MAGI2: variants seen among roughly 807,000 people sequenced by gnomAD.
The protein encoded by MAGI2 is membrane-associated guanylate kinase, WW and PDZ domain-containing protein 2.
MAGI2 carries 35 observed loss-of-function variants against 133.3 expected under a neutral mutation model. The observed-to-expected ratio is 0.26, with a 90% confidence interval of 0.20 to 0.35. The LOEUF is 0.35. Ranked by LOEUF, MAGI2 falls within the 10% of genes least tolerant of loss-of-function variation. The pLI, the probability that MAGI2 is intolerant of heterozygous loss-of-function variation, is 1.00. For missense variants in MAGI2, 1,636 were observed against 1,863.4 expected (o/e 0.88, Z 2.25); for synonymous variants, 729 against 710.6 (o/e 1.03, Z -0.41).
intron 1 of MAGI2, among the ~76,000 whole-genome samples, chr7:79,375,094 T>C (rs1843296124): frequency 6.6e-6 from 1 of 152,040 alleles, no homozygotes; most frequent in Non-Finnish European, 1.5e-5. Flanking sequence ...TTCTCACTTC[T>C]TATAAGATTA....
chr7:78,627,142 G>C lies in MAGI2; in HGVS notation c.516C>G (p.Leu172=), dbSNP rs763377103. The C allele has an allele frequency of 1.3e-6, 2 of 1,595,590 alleles. No homozygotes were observed. The highest frequency in any genetic ancestry group is 1.7e-6 in the Non-Finnish European group (2 of 1,171,400). ...DFMELEKSGA[L]LESGTYEDNY... ...TACCTTCATAAGTCCCACTTTCTAG[G>C]AGAGCACCACTTTTCTCCAATTCCA... The change falls in exon 3 of 22, where the codon CTC becomes CTG. Residue 172 remains leucine, a synonymous_variant. Coordinates refer to ENST00000354212, the MANE Select transcript of MAGI2 (RefSeq NM_012301.4).
chr7:78,715,709 T>C (rs2151187216), intron 2 of MAGI2, among the ~76,000 whole-genome samples: 1 of 152,290 alleles, frequency 6.6e-6, no homozygotes, highest in African/African-American at 2.4e-5. Context: ...ACTTCATTCA[T>C]TTCATGGTTA....
chr7:78,109,303 C>CAAATAAA (rs1819077116), intron 20 of MAGI2, among the ~76,000 whole-genome samples: 1 of 19,944 alleles, frequency 5.0e-5, no homozygotes, highest in Non-Finnish European at 8.5e-5. Flanking sequence ...GACTCCGTCT[C>CAAATAAA]AAAAAAAAAA....
chr7:78,855,422 A>G (rs1190457219), intron 2 of MAGI2, among the ~76,000 whole-genome samples: 1 of 152,048 alleles, frequency 6.6e-6, no homozygotes, highest in African/African-American at 2.4e-5. Context: ...ACCCCATGAC[A>G]GGCCCCAGTG....
At chr7:78,487,040 T>A in intron 6 of MAGI2, 1 of 500,616 alleles carries the variant, frequency 2.0e-6, no homozygotes, top group Non-Finnish European at 4.0e-6. Context: ...GAAGGACCAA[T>A]ACACTGAGGC....
At chr7:79,288,681 A>G (rs2129558574) in intron 1 of MAGI2, among the ~76,000 whole-genome samples, 1 of 152,190 alleles carries the variant, frequency 6.6e-6, no homozygotes, top group African/African-American at 2.4e-5. Context: ...TCTCCTGGAG[A>G]TCTTAGGAAA....
At chr7:78,346,826 G>A (rs1790961426) in intron 7 of MAGI2, among the ~76,000 whole-genome samples, 1 of 152,138 alleles carries the variant, frequency 6.6e-6, no homozygotes, top group Admixed American at 6.6e-5. Context: ...CTTTCTCTAG[G>A]ATATAAACAT....
At chr7:79,091,542 T>C (rs543657157) in intron 1 of MAGI2, among the ~76,000 whole-genome samples, 2 of 152,294 alleles carry the variant, frequency 1.3e-5, no homozygotes, top group African/African-American at 4.8e-5. Context: ...CTTTAAAAGA[T>C]ACTAGATTTA....
intron 1 of MAGI2, among the ~76,000 whole-genome samples, chr7:79,430,599 C>T (rs976536633): frequency 1.3e-5 from 2 of 152,164 alleles, no homozygotes; most frequent in Non-Finnish European, 2.9e-5. Context: ...GCACCAAGCA[C>T]GGATTACACA....
intron 1 of MAGI2, among the ~76,000 whole-genome samples, chr7:79,309,663 T>C (rs2129560491): frequency 6.6e-6 from 1 of 152,104 alleles, no homozygotes; most frequent in African/African-American, 2.4e-5. Flanking sequence ...CATACTGCTG[T>C]GATGGCATGA....
rs538525235 is a variant in MAGI2, at chr7:78,161,962, G to A, written c.2597-1689C>T. Among the ~76,000 whole-genome samples, 11 of 149,346 alleles carry A rather than the reference G, an allele frequency of 7.4e-5. No homozygotes were observed. In the East Asian group the frequency reaches 1.8e-3, roughly 24 times the overall value. On this transcript the variant is annotated intron_variant, in intron 15 of 21. Coordinates refer to ENST00000354212, the MANE Select transcript of MAGI2 (RefSeq NM_012301.4). ...CTGTTCAAATGGAATTTAAAGCTTC[G>A]CTTGTAAAATGTACCCTCCCTGCTG...
At chr7:79,250,817 G>A (rs1257387081) in intron 1 of MAGI2, among the ~76,000 whole-genome samples, 2 of 152,110 alleles carry the variant, frequency 1.3e-5, no homozygotes, top group African/African-American at 2.4e-5. Context: ...AACAAAACTG[G>A]AGGAATAGCA....
intron 2 of MAGI2, among the ~76,000 whole-genome samples, chr7:78,674,973 A>G (rs1814843254): frequency 6.6e-6 from 1 of 150,720 alleles, no homozygotes; most frequent in Non-Finnish European, 1.5e-5. Context: ...GTAAGACAAG[A>G]TTAGGACAAA....
chr7:78,256,095 A>G lies in MAGI2; in HGVS notation c.1895T>C (p.Leu632Pro). 1 of 1,613,768 alleles carries G rather than the reference A, an allele frequency of 6.2e-7. No individual in the cohort carries two copies. The highest frequency in any genetic ancestry group is 2.2e-5 in the East Asian group (1 of 44,772). Reference protein sequence around the residue: ...SPTGQRVKQILDIQGCPGLCE... With the variant: ...SPTGQRVKQIPDIQGCPGLCE... Reference sequence around the variant, plus strand: ...CAGGCCAGGGCATCCCTGAATGTCAAGTATTTGTTTCACCCGCTGTCCTGT... The same window carrying G: ...CAGGCCAGGGCATCCCTGAATGTCAGGTATTTGTTTCACCCGCTGTCCTGT... Residue 632 changes from leucine to proline, a missense_variant, in exon 10 of 22, where the codon CTT becomes CCT. Leu to Pro is a moderately conservative substitution (Grantham distance 98, BLOSUM62 -3). This residue lies in a region of MAGI2 where 920 missense variants were observed against 1,093.5 expected (regional missense o/e 0.84). Transcript: ENST00000354212.
At chr7:79,127,367 A>T (rs941666553) in intron 1 of MAGI2, among the ~76,000 whole-genome samples, 1 of 152,096 alleles carries the variant, frequency 6.6e-6, no homozygotes, top group Non-Finnish European at 1.5e-5. Context: ...TCCCTGAGGA[A>T]TCGCCACACT....
chr7:78,519,598 C>T (rs1031229420), intron 4 of MAGI2, among the ~76,000 whole-genome samples: 1 of 151,906 alleles, frequency 6.6e-6, no homozygotes, highest in East Asian at 1.9e-4. Context: ...ATGAAGACCT[C>T]CTAACCATAA....
At chr7:79,161,687 T>G (rs1824369297) in intron 1 of MAGI2, among the ~76,000 whole-genome samples, 1 of 152,060 alleles carries the variant, frequency 6.6e-6, no homozygotes, top group Non-Finnish European at 1.5e-5. Context: ...AACATCTTGT[T>G]TAAAAGCTGC....
rs1231446004 is a variant in MAGI2, at chr7:78,372,694, A to G, written c.1046-3481T>C. ...TCCTACCATGAAAAAGTCTAGATTAATTTGTAGTCAATAATATCAGCTTGG... is the reference window on the plus strand; with the variant it reads ...TCCTACCATGAAAAAGTCTAGATTAGTTTGTAGTCAATAATATCAGCTTGG... On this transcript the variant is annotated intron_variant, in intron 6 of 21. Transcript: ENST00000354212. Among the ~76,000 whole-genome samples, 7 of 152,204 alleles carry G rather than the reference A, an allele frequency of 4.6e-5. No homozygotes were observed. In the East Asian group the frequency reaches 1.3e-3, roughly 29 times the overall value.
intron 2 of MAGI2, among the ~76,000 whole-genome samples, chr7:78,791,908 C>A (rs1219623033): frequency 6.6e-6 from 1 of 151,882 alleles, no homozygotes; most frequent in Non-Finnish European, 1.5e-5. Context: ...TATGGAGAAC[C>A]CTCAAAGTAG....
Sources: allele counts gnomAD v4.1 joint callset (sites outside exome capture counted in the v4.1 genomes callset), GRCh38; gene constraint gnomAD v4.1.1; regional missense constraint gnomAD v4.1.1; transcripts MANE v1.5; gene names NCBI Gene and HGNC (gene_info 2026-07-23, HGNC 2026-07-21).